The following ATG14 variants were observed in gnomAD, a reference collection of about 807,000 sequenced individuals.
ATG14 encodes the protein beclin 1-associated autophagy-related key regulator.
ATG14 carries 35 observed loss-of-function variants against 60.4 expected under a neutral mutation model. That is an observed-to-expected ratio of 0.58 (90% CI 0.44 to 0.77). The LOEUF (loss-of-function observed/expected upper bound fraction) is 0.77. Ranked by LOEUF, ATG14 falls within the 30% of genes least tolerant of loss-of-function variation. ATG14 has a pLI of 0.00. For missense variants in ATG14, 647 were observed against 626.3 expected (o/e 1.03, Z -0.35); for synonymous variants, 234 against 228.8 (o/e 1.02, Z -0.21).
Position 55,388,968 on chromosome 14 carries a change from G to A in ATG14, c.409+1943C>T, listed in dbSNP as rs1427761325. ...TGAAGCTTTTTTTTTTCAACATGGCGATTTGACATTGCCATCACGTTCAAG... is the reference window on the plus strand; with the variant it reads ...TGAAGCTTTTTTTTTTCAACATGGCAATTTGACATTGCCATCACGTTCAAG... On this transcript the variant is annotated intron_variant, in intron 4 of 9. Coordinates refer to ENST00000247178, the MANE Select transcript of ATG14 (RefSeq NM_014924.5). 2.0e-5 allele frequency among the ~76,000 whole-genome samples: 3 copies of A among 152,000 alleles called. No individual in the cohort carries two copies. In the East Asian group the frequency reaches 5.8e-4, roughly 29 times the overall value.
intron 5 of ATG14, among the ~76,000 whole-genome samples, chr14:55,385,324 G>A (rs750720613): frequency 6.6e-6 from 1 of 151,918 alleles, no homozygotes; most frequent in Admixed American, 6.6e-5. Flanking sequence ...ACAGAGTCTC[G>A]CTCTGTCACC....
chr14:55,388,124 G>C (rs116871487), intron 4 of ATG14, among the ~76,000 whole-genome samples: 2 of 152,152 alleles, frequency 1.3e-5, no homozygotes, highest in Non-Finnish European at 2.9e-5. Flanking sequence ...GCGAAAGAGC[G>C]AGACTCCATC....
intron 9 of ATG14, among the ~76,000 whole-genome samples, chr14:55,376,642 G>A (rs924722969): frequency 6.6e-6 from 1 of 152,186 alleles, no homozygotes; most frequent in East Asian, 1.9e-4. Context: ...GGGAAGCCAG[G>A]CACACGTGTT....
intron 9 of ATG14, among the ~76,000 whole-genome samples, chr14:55,370,226 A>G (rs1296446674): frequency 6.6e-6 from 1 of 152,212 alleles, no homozygotes; most frequent in African/African-American, 2.4e-5. Flanking sequence ...TGCTGGTCCT[A>G]AGTCTGACTT....
At chr14:55,399,830 C>G (rs1400230607) in intron 1 of ATG14, among the ~76,000 whole-genome samples, 9 of 152,180 alleles carry the variant, frequency 5.9e-5, no homozygotes, top group Non-Finnish European at 5.9e-5. Context: ...GTAAAAATGC[C>G]ACTTTGCTCT....
At chr14:55,407,739 T>C (rs970422183) in intron 1 of ATG14, among the ~76,000 whole-genome samples, 1 of 152,112 alleles carries the variant, frequency 6.6e-6, no homozygotes, top group African/African-American at 2.4e-5. Flanking sequence ...ATATTACACA[T>C]TGTGTGTGGT....
At chr14:55,380,136 T>C (rs1238494650) in intron 7 of ATG14, among the ~76,000 whole-genome samples, 6 of 151,940 alleles carry the variant, frequency 3.9e-5, no homozygotes, top group African/African-American at 1.5e-4. Flanking sequence ...TAATCCCAGC[T>C]ACACAGGAGG....
At chr14:55,384,903 A>G (rs1885096945) in intron 5 of ATG14, among the ~76,000 whole-genome samples, 1 of 152,244 alleles carries the variant, frequency 6.6e-6, no homozygotes, top group African/African-American at 2.4e-5. Flanking sequence ...AAATATTACA[A>G]GATGGACTGG....
chr14:55,402,323 T>C (rs1885412018), intron 1 of ATG14, among the ~76,000 whole-genome samples: 1 of 152,218 alleles, frequency 6.6e-6, no homozygotes, highest in East Asian at 1.9e-4. Context: ...GAAACACTAC[T>C]AATGTATTTT....
At chr14:55,382,257 G>T in intron 5 of ATG14, 66 bp from the exon 6 acceptor site, 2 of 1,385,780 alleles carry the variant, frequency 1.4e-6, no homozygotes, top group African/African-American at 1.4e-5. Context: ...CAATATAACT[G>T]CAAGACATGC....
At chr14:55,397,455 G>A (rs1030970467) in intron 1 of ATG14, 21 bp from the exon 2 acceptor site, 3 of 1,591,900 alleles carry the variant, frequency 1.9e-6, no homozygotes, top group African/African-American at 2.7e-5. Context: ...AAAATTCAAT[G>A]TCTTATTTAA....
intron 9 of ATG14, among the ~76,000 whole-genome samples, chr14:55,374,955 TC>T (rs1309212657): frequency 6.6e-6 from 1 of 152,238 alleles, no homozygotes; most frequent in African/African-American, 2.4e-5. Flanking sequence ...TTTCAAAACT[TC>T]CTTGCAGACT....
At chr14:55,405,422 T>C (rs1382796092) in intron 1 of ATG14, among the ~76,000 whole-genome samples, 1 of 152,222 alleles carries the variant, frequency 6.6e-6, no homozygotes, top group Non-Finnish European at 1.5e-5. Context: ...AACTTGTCAG[T>C]GAAGGTAATG....
At chr14:55,388,700 C>A (rs917376520) in intron 4 of ATG14, among the ~76,000 whole-genome samples, 2 of 152,174 alleles carry the variant, frequency 1.3e-5, no homozygotes, top group Non-Finnish European at 2.9e-5. Flanking sequence ...CAACAACAAG[C>A]TCTTAAGCAT....
intron 1 of ATG14, among the ~76,000 whole-genome samples, chr14:55,398,906 G>A (rs374426720): frequency 1.3e-5 from 2 of 151,936 alleles, no homozygotes; most frequent in African/African-American, 4.8e-5. Flanking sequence ...TGGAGTGAAC[G>A]TGACCCACTG....
At position 55,366,395 on chromosome 14, in the gene ATG14, G is replaced by A. The variant is rs1317271750; in HGVS notation, c.*3224C>T. The A allele has an allele frequency of 1.3e-5, 2 of 152,560 alleles. No individual in the cohort carries two copies. Among genetic ancestry groups the A allele is most frequent in the South Asian group, 4.1e-4 (2 of 4,820 alleles). The allele number at this position is 152,560 out of a possible 1,614,324, so 9.5% of individuals were successfully genotyped here. A position where few individuals can be genotyped will look rare whatever the true frequency, so the allele number is the denominator to read the frequency against. Reference sequence around the variant, plus strand: ...AAGACATACACATGAGCAAAGTACTGTTAAAAGATTTATTGCAGTAATACA... The same window carrying A: ...AAGACATACACATGAGCAAAGTACTATTAAAAGATTTATTGCAGTAATACA... On this transcript the variant is annotated 3_prime_UTR_variant, in exon 10 of 10. Coordinates refer to ENST00000247178, the MANE Select transcript of ATG14 (RefSeq NM_014924.5).
chr14:55,389,894 A>G (rs933892902), intron 4 of ATG14, among the ~76,000 whole-genome samples: 2 of 149,126 alleles, frequency 1.3e-5, no homozygotes, highest in Non-Finnish European at 2.9e-5. Context: ...GATCTATGAT[A>G]AAGTATAAAG....
intron 1 of ATG14, among the ~76,000 whole-genome samples, chr14:55,402,090 A>C (rs899765336): frequency 5.3e-5 from 8 of 152,190 alleles, no homozygotes; most frequent in East Asian, 1.9e-4. Flanking sequence ...CAGAAAAACA[A>C]CACCAGGGCA....
rs754614033 is a variant in ATG14 at position 55,369,846 on chromosome 14, C to T, written c.1252G>A (p.Glu418Lys). The T allele has an allele frequency of 1.2e-6, 2 of 1,614,180 alleles. No individual in the cohort carries two copies. The highest frequency in any genetic ancestry group is 4.5e-5 in the East Asian group (2 of 44,886). Residue 418 changes from glutamate (E) to lysine (K), a missense_variant, in exon 10 of 10, where the codon GAG (glutamate) becomes AAG (lysine). Transcript: ENST00000247178. The part of the protein sequence containing the change: ...VDPGVAGESD[E>K]SGDERVSDEE... ...TCGCTGACGCGCTCATCTCCGCTCT[C>T]ATCTGATTCTCCAGCAACTCCGGGA...
Sources: allele counts gnomAD v4.1 joint callset (sites outside exome capture counted in the v4.1 genomes callset), GRCh38; gene constraint gnomAD v4.1.1; transcripts MANE v1.5; gene names NCBI Gene and HGNC (gene_info 2026-07-23, HGNC 2026-07-21).